SLIT3: variants seen among roughly 807,000 people sequenced by gnomAD.
SLIT3 encodes slit guidance ligand 3.
In SLIT3, 68 loss-of-function variants were observed where a neutral mutation model predicts 184.0. The ratio of observed to expected loss-of-function variants is 0.37; its 90% CI spans 0.30 to 0.45. The LOEUF is 0.45. Among genes scored for constraint, SLIT3 ranks in the 20% least tolerant of loss-of-function variants. The pLI, the probability that SLIT3 is intolerant of heterozygous loss-of-function variation, is 1.00. For synonymous variants in SLIT3, 831 were observed against 828.6 expected (o/e 1.00, Z -0.05); for missense variants, 1,707 against 2,026.0 (o/e 0.84, Z 3.02).
chr5:168,962,337 TAC>T (rs1194030123), intron 4 of SLIT3, among the ~76,000 whole-genome samples: 3 of 87,948 alleles, frequency 3.4e-5, no homozygotes, highest in African/African-American at 4.9e-5. Flanking sequence ...CACACACACA[TAC>T]ACACACACAC....
chr5:169,116,695 C>T (rs2113275955), intron 4 of SLIT3, among the ~76,000 whole-genome samples: 1 of 152,252 alleles, frequency 6.6e-6, no homozygotes, highest in East Asian at 1.9e-4. Flanking sequence ...TGTTTCTTCC[C>T]CTCAACAAAA....
chr5:169,270,111 A>C (rs1766546968), intron 1 of SLIT3, among the ~76,000 whole-genome samples: 1 of 152,212 alleles, frequency 6.6e-6, no homozygotes, highest in South Asian at 2.1e-4. Flanking sequence ...ATTGCCACAA[A>C]GATTGGATTC....
intron 4 of SLIT3, among the ~76,000 whole-genome samples, chr5:168,893,326 C>A (rs1760538368): frequency 6.6e-6 from 1 of 152,252 alleles, no homozygotes; most frequent in South Asian, 2.1e-4. Context: ...CATTTCTATA[C>A]AATCTATCCT....
intron 4 of SLIT3, among the ~76,000 whole-genome samples, chr5:169,177,986 C>T (rs1354375373): frequency 6.6e-6 from 1 of 151,926 alleles, no homozygotes; most frequent in Non-Finnish European, 1.5e-5. Flanking sequence ...CCTTTCAGCT[C>T]CTTTCCTTGA....
At chr5:168,844,805 G>A (rs1163275435) in intron 5 of SLIT3, 150 bp from the exon 6 acceptor site, 1 of 640,130 alleles carries the variant, frequency 1.6e-6, no homozygotes, top group Non-Finnish European at 2.8e-6. Context: ...TGTCTGCCAC[G>A]CTGCTCCGTC....
chr5:168,671,824 C>A (rs754636147), intron 33 of SLIT3, among the ~76,000 whole-genome samples: 2 of 152,170 alleles, frequency 1.3e-5, no homozygotes, highest in Non-Finnish European at 2.9e-5. Context: ...ACCGTTCCCC[C>A]CAATAGGCAA....
chr5:169,163,130 G>A (rs1020026669), intron 4 of SLIT3, among the ~76,000 whole-genome samples: 29 of 152,086 alleles, frequency 1.9e-4, no homozygotes, highest in African/African-American at 3.4e-4. Flanking sequence ...AGACCAGCCC[G>A]GCCAACATAG....
intron 28 of SLIT3, among the ~76,000 whole-genome samples, chr5:168,693,326 G>A (rs187996819): frequency 6.6e-6 from 1 of 152,214 alleles, no homozygotes; most frequent in African/African-American, 2.4e-5. Flanking sequence ...AGAAAAGTAA[G>A]CCCCTTGGAT....
chr5:169,254,084 C>A (rs1470624818), intron 1 of SLIT3, among the ~76,000 whole-genome samples: 1 of 152,160 alleles, frequency 6.6e-6, no homozygotes, highest in African/African-American at 2.4e-5. Flanking sequence ...ACCTCTAGCC[C>A]CCAACTCCAC....
intron 4 of SLIT3, among the ~76,000 whole-genome samples, chr5:168,890,062 C>A (rs949079838): frequency 3.2e-4 from 49 of 151,404 alleles, no homozygotes; most frequent in Admixed American, 2.5e-3. Context: ...ATGGCTTGAA[C>A]CCGGGAGCGG....
At chr5:168,903,514 A>C (rs905250107) in intron 4 of SLIT3, among the ~76,000 whole-genome samples, 1 of 152,214 alleles carries the variant, frequency 6.6e-6, no homozygotes, top group African/African-American at 2.4e-5. Flanking sequence ...GGTCACAGTA[A>C]GCCAGGGCAT....
rs1359835278 is a variant in SLIT3 at position 168,671,293 on chromosome 5, G to A, written c.4032C>T (p.Arg1344=). The change falls in exon 34 of 36, where the codon CGC becomes CGT. Residue 1344 remains arginine (R), a synonymous_variant. Coordinates refer to ENST00000519560, the MANE Select transcript of SLIT3 (RefSeq NM_003062.4). ...SCTVCKHGLC[R]SVEKDSVVCE... ...ACACCACGCTGTCCTTCTCCACGGA[G>A]CGGCACAGGCCGTGCTTGCACACGG... The A allele has an allele frequency of 6.2e-7, 1 of 1,613,900 alleles. No homozygotes were observed. Among genetic ancestry groups the A allele is most frequent in the South Asian group, 1.1e-5 (1 of 91,066 alleles).
At chr5:169,198,680 T>C (rs1763815275) in intron 3 of SLIT3, among the ~76,000 whole-genome samples, 1 of 152,128 alleles carries the variant, frequency 6.6e-6, no homozygotes. Context: ...ATGCCTGTAA[T>C]CCCAGCACTT....
intron 4 of SLIT3, among the ~76,000 whole-genome samples, chr5:169,098,119 G>A (rs918528338): frequency 5.9e-5 from 9 of 151,746 alleles, no homozygotes; most frequent in Admixed American, 4.6e-4. Flanking sequence ...CCTGGGCCCC[G>A]GCTTGATTTT....
intron 8 of SLIT3, among the ~76,000 whole-genome samples, chr5:168,812,077 T>C (rs1428910929): frequency 2.0e-5 from 3 of 152,176 alleles, no homozygotes; most frequent in African/African-American, 7.2e-5. Context: ...CGGAGGACGT[T>C]ATGTTAGGTG....
chr5:168,676,582 G>A (rs981735844), intron 32 of SLIT3, among the ~76,000 whole-genome samples: 4 of 152,212 alleles, frequency 2.6e-5, no homozygotes, highest in Admixed American at 6.5e-5. Context: ...GGATGGCCCC[G>A]TGCAGAGACC....
At chr5:169,151,985 T>C (rs1561699990) in intron 4 of SLIT3, among the ~76,000 whole-genome samples, 1 of 152,196 alleles carries the variant, frequency 6.6e-6, no homozygotes. Flanking sequence ...GCAAATAGAA[T>C]AAAGCTTGTG....
chr5:168,945,239 T>C (rs1762436392), intron 4 of SLIT3, among the ~76,000 whole-genome samples: 1 of 134,900 alleles, frequency 7.4e-6, no homozygotes, highest in Non-Finnish European at 1.6e-5. Flanking sequence ...TCGTGATTGG[T>C]ATCCACATTT....
chr5:169,265,264 C>T (rs548700471), intron 1 of SLIT3, among the ~76,000 whole-genome samples: 1 of 152,286 alleles, frequency 6.6e-6, no homozygotes, highest in African/African-American at 2.4e-5. Context: ...GGCCTGCAGA[C>T]CTGCGTAGTC....
Sources: allele counts gnomAD v4.1 joint callset (sites outside exome capture counted in the v4.1 genomes callset), GRCh38; gene constraint gnomAD v4.1.1; transcripts MANE v1.5; gene names NCBI Gene and HGNC (gene_info 2026-07-23, HGNC 2026-07-21).